The following MBNL2 variants were observed in gnomAD, a reference collection of about 807,000 sequenced individuals.
MBNL2 encodes muscleblind like splicing regulator 2, also known as muscleblind-like protein 2.
In MBNL2, 17 loss-of-function variants were observed where a neutral mutation model predicts 41.9. That is an observed-to-expected ratio of 0.41 (90% CI 0.28 to 0.61). The LOEUF (loss-of-function observed/expected upper bound fraction) is 0.61, where lower values mean the gene tolerates loss of function less well. MBNL2 is among the 20% of genes least tolerant of loss of function. The pLI is 0.35. For synonymous variants in MBNL2, 195 were observed against 182.9 expected, an observed-to-expected ratio of 1.07 and a Z score of -0.53; for missense variants, 336 against 505.6, an observed-to-expected ratio of 0.66 and a Z score of 3.22.
chr13:97,209,307 G>A, the MBNL2 span, among the ~76,000 whole-genome samples: 1 of 152,100 alleles, frequency 6.6e-6, no homozygotes, highest in African/African-American at 2.4e-5. Context: ...CCACTTTTAG[G>A]ATTAGACTGT....
the MBNL2 span, among the ~76,000 whole-genome samples, chr13:97,173,182 C>G: frequency 6.6e-6 from 1 of 152,138 alleles, no homozygotes; most frequent in Non-Finnish European, 1.5e-5. Flanking sequence ...CAAAAGGATC[C>G]ACTAAGACTG....
At chr13:97,328,055 C>G (rs988445163) in intron 2 of MBNL2, among the ~76,000 whole-genome samples, 1 of 152,048 alleles carries the variant, frequency 6.6e-6, no homozygotes, top group African/African-American at 2.4e-5. Flanking sequence ...TATTCTTAGC[C>G]CCATTTCACA....
intron 2 of MBNL2, among the ~76,000 whole-genome samples, chr13:97,279,344 T>C (rs1463882207): frequency 5.3e-5 from 8 of 152,236 alleles, no homozygotes; most frequent in African/African-American, 1.4e-4. Flanking sequence ...AAAATCGATA[T>C]AATTCCTACT....
chr13:97,290,190 T>C (rs1448271231), intron 2 of MBNL2, among the ~76,000 whole-genome samples: 1 of 152,200 alleles, frequency 6.6e-6, no homozygotes, highest in Admixed American at 6.5e-5. Context: ...GTTTACTCTT[T>C]AGCAAAAGTA....
In MBNL2 at chr13:97,263,698, A is replaced by G. The variant is rs144142678; in HGVS notation, c.-604-11934A>G. 2.3e-3 allele frequency among the ~76,000 whole-genome samples: 355 copies of G among 152,102 alleles called. 2 individuals carry two copies. The highest frequency in any genetic ancestry group is 8.1e-3 in the African/African-American group (338 of 41,498). On this transcript the variant is annotated intron_variant, in intron 1 of 8. Coordinates refer to ENST00000679496, the MANE Select transcript of MBNL2 (RefSeq NM_001382683.1). ...GGTGGTGCTATCTCTGCTCACTGCA[A>G]GCTCTGCCTCCTGGGTTCAAGTGAT...
the MBNL2 span, among the ~76,000 whole-genome samples, chr13:97,173,476 C>T: frequency 5.3e-5 from 8 of 152,192 alleles, no homozygotes; most frequent in Non-Finnish European, 7.3e-5. Flanking sequence ...TGTCTTGGCT[C>T]CAATGACTGC....
intron 1 of MBNL2, among the ~76,000 whole-genome samples, chr13:97,266,420 T>A (rs1464279137): frequency 6.6e-6 from 1 of 152,262 alleles, no homozygotes; most frequent in Admixed American, 6.5e-5. Context: ...GTGTTTCCCT[T>A]GGTTCACTGA....
At chr13:97,362,959 A>G (rs1017974021) in intron 7 of MBNL2, 3 of 152,162 alleles carry the variant, frequency 2.0e-5, no homozygotes, top group African/African-American at 7.2e-5. Flanking sequence ...TTCGGTCTAG[A>G]GTTCTAGTTA....
At chr13:97,294,607 A>G (rs1017136847) in intron 2 of MBNL2, among the ~76,000 whole-genome samples, 5 of 152,210 alleles carry the variant, frequency 3.3e-5, no homozygotes, top group African/African-American at 1.2e-4. Flanking sequence ...AGGTCTGGGT[A>G]TGGATCCCAG....
intron 2 of MBNL2, among the ~76,000 whole-genome samples, chr13:97,279,596 CAAG>C (rs1169201069): frequency 6.6e-6 from 1 of 151,998 alleles, no homozygotes; most frequent in Non-Finnish European, 1.5e-5. Flanking sequence ...TTAGTCATGA[CAAG>C]AAAAAAGATT....
chr13:97,287,721 CTTT>C (rs768809008), intron 2 of MBNL2, among the ~76,000 whole-genome samples: 6 of 114,898 alleles, frequency 5.2e-5, no homozygotes, highest in African/African-American at 2.7e-4. Context: ...CTTTTCTTTT[CTTT>C]TTTTTTTTTT....
At chr13:97,383,057 T>A (rs74105126) in intron 8 of MBNL2, among the ~76,000 whole-genome samples, 155 of 152,330 alleles carry the variant, frequency 1.0e-3, no homozygotes, top group African/African-American at 3.4e-3. Flanking sequence ...CTCATGCCTC[T>A]TTACCTTCAT....
At chr13:97,204,485 A>C in the MBNL2 span, among the ~76,000 whole-genome samples, 1 of 152,246 alleles carries the variant, frequency 6.6e-6, no homozygotes, top group Non-Finnish European at 1.5e-5. Flanking sequence ...GCCATTAGCA[A>C]AGTATTACCT....
intron 1 of MBNL2, among the ~76,000 whole-genome samples, chr13:97,270,334 T>C (rs1004009925): frequency 5.3e-5 from 8 of 151,446 alleles, no homozygotes; most frequent in African/African-American, 1.7e-4. Flanking sequence ...GAAACAATCT[T>C]AATAAGATAT....
chr13:97,172,978 T>C, the MBNL2 span: 99 of 152,272 alleles, frequency 6.5e-4, no homozygotes, highest in African/African-American at 2.3e-3. Flanking sequence ...CATCTTAAAA[T>C]TTCTGGGTAT....
At chr13:97,147,109 A>G in the MBNL2 span, among the ~76,000 whole-genome samples, 1 of 152,236 alleles carries the variant, frequency 6.6e-6, no homozygotes, top group Admixed American at 6.5e-5. Flanking sequence ...GAAACTTGAA[A>G]AGGTTAATGA....
At chr13:97,266,446 G>A (rs1337847853) in intron 1 of MBNL2, among the ~76,000 whole-genome samples, 1 of 152,168 alleles carries the variant, frequency 6.6e-6, no homozygotes. Context: ...CTATGGGCAG[G>A]CCCCAGTTAG....
chr13:97,388,902 A>G (rs1238371526), intron 8 of MBNL2, among the ~76,000 whole-genome samples: 1 of 152,214 alleles, frequency 6.6e-6, no homozygotes, highest in African/African-American at 2.4e-5. Flanking sequence ...CCCACCTTCT[A>G]AGATTAAATC....
At chr13:97,358,014 AT>A (rs568809118) in intron 7 of MBNL2, among the ~76,000 whole-genome samples, 379 of 152,172 alleles carry the variant, frequency 2.5e-3, no homozygotes, top group African/African-American at 8.4e-3. Flanking sequence ...AATACTAACC[AT>A]TTTTTTCTAT....
Sources: allele counts gnomAD v4.1 joint callset (sites outside exome capture counted in the v4.1 genomes callset), GRCh38; gene constraint gnomAD v4.1.1; transcripts MANE v1.5; gene names NCBI Gene and HGNC (gene_info 2026-07-23, HGNC 2026-07-21).